TMEM196: variants seen among roughly 807,000 people sequenced by gnomAD.
TMEM196 encodes the protein transmembrane protein 196.
In TMEM196, 17 loss-of-function variants were observed where a neutral mutation model predicts 20.0. The ratio of observed to expected loss-of-function variants is 0.85; its 90% CI spans 0.58 to 1.27. The LOEUF (loss-of-function observed/expected upper bound fraction) is 1.27. TMEM196 is among the 50% of genes most tolerant of loss of function. The probability of loss-of-function intolerance (pLI) is 0.00; values close to 1 mark genes in which losing one functional copy is unlikely to be tolerated. For missense variants in TMEM196, 267 were observed against 223.0 expected, an observed-to-expected ratio of 1.20 and a Z score of -1.26; for synonymous variants, 113 against 88.9, an observed-to-expected ratio of 1.27 and a Z score of -1.52.
At chr7:19,770,035 A>G (rs985230110) in intron 1 of TMEM196, among the ~76,000 whole-genome samples, 1 of 152,076 alleles carries the variant, frequency 6.6e-6, no homozygotes, top group Non-Finnish European at 1.5e-5. Context: ...GGGATTTGCA[A>G]CCAGGTAGTA....
rs1377502957 is a variant in TMEM196, at chr7:19,719,425, A to G, written c.*2703T>C. On this transcript the variant is annotated 3_prime_UTR_variant, in exon 5 of 5. Coordinates refer to ENST00000405844, the MANE Select transcript of TMEM196 (RefSeq NM_001363562.2). ...TATACACATATGTGTATGTATATGC[A>G]TATATATACACACATACACATATAT... 6.6e-6 allele frequency: 1 copy of G among 151,780 alleles called. No homozygotes were observed. Among genetic ancestry groups the G allele is most frequent in the African/African-American group, 2.4e-5 (1 of 41,410 alleles). The allele number at this position is 151,780 out of a possible 1,614,324, so 9.4% of individuals were successfully genotyped here.
In TMEM196 at chr7:19,745,361, G is replaced by C. The variant is rs545849627; in HGVS notation, c.148-15923C>G. On this transcript the variant is annotated intron_variant, in intron 1 of 4. Transcript: ENST00000405844. ...GCACTAAGTATATTGGAAACACCTT[G>C]TCACAAAATACTCTATTTAATAGAT... Among the ~76,000 whole-genome samples the C allele has an allele frequency of 4.6e-5, 7 of 152,144 alleles. No homozygotes were observed. In the South Asian group the frequency reaches 1.2e-3, roughly 27 times the overall value.
chr7:19,759,800 C>T (rs935072194), intron 1 of TMEM196, among the ~76,000 whole-genome samples: 2 of 152,220 alleles, frequency 1.3e-5, no homozygotes, highest in Admixed American at 6.5e-5. Flanking sequence ...TAAAATTGAA[C>T]ACAAAACACA....
chr7:19,727,214 T>G lies in TMEM196; in HGVS notation c.205-1446A>C, dbSNP rs139092267. Among the ~76,000 whole-genome samples, 427 of 152,302 alleles carry G rather than the reference T, an allele frequency of 2.8e-3. 5 individuals are homozygous for G. The highest frequency in any genetic ancestry group is 0.014 in the East Asian group (75 of 5,186). Reference sequence around the variant, plus strand: ...CATTCATAATAATTCCTCTTGAGAATAGTTAAATCTTGTGAAAGAGAAGAT... The same window carrying G: ...CATTCATAATAATTCCTCTTGAGAAGAGTTAAATCTTGTGAAAGAGAAGAT... On this transcript the variant is annotated intron_variant, in intron 2 of 4. Coordinates refer to ENST00000405844, the MANE Select transcript of TMEM196 (RefSeq NM_001363562.2).
rs1410755915 is a variant in TMEM196 at position 19,724,147 on chromosome 7, G to A, written c.533+133C>T. ...TCAGCTCTGCAAAGTAAGCGCTTAC[G>A]AAAGCGATACTTTGAGAAACAACAT... On this transcript the variant is annotated intron_variant, in intron 4 of 4. Transcript: ENST00000405844. 1.6e-5 allele frequency: 13 copies of A among 808,464 alleles called. No individual in the cohort carries two copies. The Admixed American group carries it at 1.8e-4, about 11-fold the overall frequency. The allele number at this position is 808,464 out of a possible 1,614,324, so 50.1% of individuals were successfully genotyped here.
At chr7:19,748,586 G>A (rs1784849209) in intron 1 of TMEM196, among the ~76,000 whole-genome samples, 1 of 152,130 alleles carries the variant, frequency 6.6e-6, no homozygotes, top group Non-Finnish European at 1.5e-5. Context: ...GTCATGCTCC[G>A]TCTGATGATG....
chr7:19,739,917 A>G (rs189134941), intron 1 of TMEM196, among the ~76,000 whole-genome samples: 26 of 152,168 alleles, frequency 1.7e-4, no homozygotes, highest in African/African-American at 6.3e-4. Flanking sequence ...GATTACTGAA[A>G]GGAATTCAGC....
In TMEM196 at chr7:19,720,518, G is replaced by C. The variant is rs1783779952; in HGVS notation, c.*1610C>G. The C allele has an allele frequency of 6.6e-6, 1 of 151,818 alleles. No homozygotes were observed. The allele number at this position is 151,818 out of a possible 1,614,324, so 9.4% of individuals were successfully genotyped here. ...AATGACTTGAAAATTGATTAGATTT[G>C]AGGAAAAAGAAAAGTATACAATATA... On this transcript the variant is annotated 3_prime_UTR_variant, in exon 5 of 5. Coordinates refer to ENST00000405844, the MANE Select transcript of TMEM196 (RefSeq NM_001363562.2).
chr7:19,738,654 G>A lies in TMEM196; in HGVS notation c.148-9216C>T, dbSNP rs530791166. On this transcript the variant is annotated intron_variant, in intron 1 of 4. Coordinates refer to ENST00000405844, the MANE Select transcript of TMEM196 (RefSeq NM_001363562.2). ...CATTGAGGTTTGTCAAAGGGACAAA[G>A]GAGCCAACTGAAATAGCTTCCAATG... Among the ~76,000 whole-genome samples the A allele has an allele frequency of 1.2e-4, 18 of 152,164 alleles. No individual in the cohort carries two copies. In the South Asian group the frequency reaches 1.2e-3, roughly 11 times the overall value.
intron 2 of TMEM196, among the ~76,000 whole-genome samples, chr7:19,728,202 C>G (rs940748631): frequency 6.6e-6 from 1 of 151,946 alleles, no homozygotes; most frequent in Non-Finnish European, 1.5e-5. Flanking sequence ...TTCTTTCTCT[C>G]TCTCTTTTTT....
chr7:19,734,555 A>G lies in TMEM196; in HGVS notation c.148-5117T>C, dbSNP rs1207476378. On this transcript the variant is annotated intron_variant, in intron 1 of 4. Coordinates refer to ENST00000405844, the MANE Select transcript of TMEM196 (RefSeq NM_001363562.2). Reference sequence around the variant, plus strand: ...GGTAGGCAAGGTCAAAAGAAGCAGAAGCCTATGTGTTGACAGAAACAAAGA... The same window carrying G: ...GGTAGGCAAGGTCAAAAGAAGCAGAGGCCTATGTGTTGACAGAAACAAAGA... 3.3e-5 allele frequency among the ~76,000 whole-genome samples: 5 copies of G among 152,348 alleles called. No individual in the cohort carries two copies. The East Asian group carries it at 9.6e-4, about 29-fold the overall frequency.
At chr7:19,759,647 C>T (rs1470358831) in intron 1 of TMEM196, among the ~76,000 whole-genome samples, 1 of 152,000 alleles carries the variant, frequency 6.6e-6, no homozygotes. Flanking sequence ...TGCACGCACA[C>T]ACACGCAGGC....
At chr7:19,736,531 C>T (rs926929295) in intron 1 of TMEM196, among the ~76,000 whole-genome samples, 8 of 151,022 alleles carry the variant, frequency 5.3e-5, no homozygotes, top group African/African-American at 9.7e-5. Flanking sequence ...TTAGAGTATC[C>T]GGGGTAGGAC....
intron 1 of TMEM196, among the ~76,000 whole-genome samples, chr7:19,743,758 T>C (rs747832154): frequency 1.3e-5 from 2 of 152,132 alleles, no homozygotes; most frequent in African/African-American, 2.4e-5. Flanking sequence ...AAAGCAAACA[T>C]GAATTACATC....
intron 1 of TMEM196, among the ~76,000 whole-genome samples, chr7:19,752,604 T>C (rs987011072): frequency 2.6e-4 from 40 of 151,850 alleles, no homozygotes; most frequent in African/African-American, 8.5e-4. Flanking sequence ...TAATTTTATG[T>C]ATTTCTTTCT....
chr7:19,747,584 T>C (rs1332955683), intron 1 of TMEM196, among the ~76,000 whole-genome samples: 4 of 148,824 alleles, frequency 2.7e-5, no homozygotes, highest in African/African-American at 5.2e-5. Flanking sequence ...ATTTTTTTCA[T>C]GTCATACAGC....
At chr7:19,769,830 C>T (rs1185003117) in intron 1 of TMEM196, among the ~76,000 whole-genome samples, 3 of 152,048 alleles carry the variant, frequency 2.0e-5, no homozygotes, top group Non-Finnish European at 4.4e-5. Context: ...GAAGATGTGC[C>T]TAGGTTATTG....
chr7:19,772,959 G>A lies in TMEM196; in HGVS notation c.-263C>T, dbSNP rs538584298. On this transcript the variant is annotated 5_prime_UTR_variant, in exon 1 of 5. Coordinates refer to ENST00000405844, the MANE Select transcript of TMEM196 (RefSeq NM_001363562.2). ...ATCTTCCTGGGTTCGGTGGTGCGAA[G>A]ATTGCACACCGGTACCGGGGCTTTT... The A allele has an allele frequency of 3.0e-6, 1 of 333,696 alleles. No homozygotes were observed. Among genetic ancestry groups the A allele is most frequent in the South Asian group, 1.4e-4 (1 of 7,142 alleles). 20.7% of individuals were successfully genotyped at this position (333,696 alleles called of 1,614,324 possible). A position where few individuals can be genotyped will look rare whatever the true frequency, so the allele number is the denominator to read the frequency against.
intron 1 of TMEM196, among the ~76,000 whole-genome samples, chr7:19,764,771 G>A (rs183499001): frequency 6.6e-6 from 1 of 152,206 alleles, no homozygotes; most frequent in East Asian, 1.9e-4. Context: ...GCAAAATTCT[G>A]GTAACATGGA....
Sources: allele counts gnomAD v4.1 joint callset (sites outside exome capture counted in the v4.1 genomes callset), GRCh38; gene constraint gnomAD v4.1.1; transcripts MANE v1.5; gene names NCBI Gene and HGNC (gene_info 2026-07-23, HGNC 2026-07-21).